The following FRMPD3 variants were observed in gnomAD, a reference collection of about 807,000 sequenced individuals.
FRMPD3 encodes the protein FERM and PDZ domain-containing protein 3.
A neutral mutation model predicts 97.9 loss-of-function variants in FRMPD3; 42 were observed. The observed-to-expected ratio is 0.43, with a 90% CI of 0.34 to 0.55. The LOEUF (loss-of-function observed/expected upper bound fraction) is 0.55, where lower values mean the gene tolerates loss of function less well. Ranked by LOEUF, FRMPD3 falls within the 20% of genes least tolerant of loss-of-function variation. The pLI is 0.03. For synonymous variants in FRMPD3, 577 were observed against 581.1 expected, an observed-to-expected ratio of 0.99 and a Z score of 0.10; for missense variants, 1,303 against 1,457.7, an observed-to-expected ratio of 0.89 and a Z score of 1.73.
chrX:107,602,651 G>A lies in FRMPD3; in HGVS notation c.4612G>A (p.Val1538Met). 8.3e-7 allele frequency: 1 copy of A among 1,210,605 alleles called. No homozygotes were observed. The highest frequency in any genetic ancestry group is 1.1e-6 in the Non-Finnish European group (1 of 895,473). ...MKLDEQVVPV[V>M]SRTLQVLDAA... ...GCTGGACGAGCAGGTGGTGCCTGTG[G>A]TGAGCAGGACCCTGCAGGTGCTGGA... The change falls in exon 15 of 15, where the codon GTG becomes ATG. Residue 1538 changes from valine to methionine, a missense_variant. Transcript: ENST00000683843.
chrX:107,595,490 C>G (rs1270105721), intron 13 of FRMPD3, among the ~76,000 whole-genome samples: 1 of 111,204 alleles, frequency 9.0e-6, no homozygotes, highest in Non-Finnish European at 1.9e-5. Context: ...TTATTCACAA[C>G]AGTGTTCCAT....
chrX:107,497,084 C>A (rs995572370), intron 1 of FRMPD3, among the ~76,000 whole-genome samples: 1 of 112,467 alleles, frequency 8.9e-6, no homozygotes, highest in African/African-American at 3.2e-5. Flanking sequence ...AGAGAGAGCA[C>A]ACAAGCTGTG....
At chrX:107,459,867 G>T (rs948098891) in intron 1 of FRMPD3, among the ~76,000 whole-genome samples, 1 of 98,177 alleles carries the variant, frequency 1.0e-5, no homozygotes, top group Non-Finnish European at 2.0e-5. Flanking sequence ...GTGTGCGTGC[G>T]TGCACGCAAG....
Position 107,600,985 on chromosome X carries a change from G to A in FRMPD3, c.2946G>A (p.Arg982=). The change falls in exon 15 of 15, where the codon AGG becomes AGA. Residue 982 remains arginine (R), a synonymous_variant. Transcript: ENST00000683843. Reference sequence around the variant, plus strand: ...GGGCTTTGGGGAACCCCCCCAGCAGGGGTGAGAGAAGGCTGGAGGCCAGCA... The same window carrying A: ...GGGCTTTGGGGAACCCCCCCAGCAGAGGTGAGAGAAGGCTGGAGGCCAGCA... The part of the protein sequence containing the change: ...AGGALGNPPS[R]GERRLEASMG... The A allele has an allele frequency of 8.3e-7, 1 of 1,208,252 alleles. No individual in the cohort carries two copies. The highest frequency in any genetic ancestry group is 1.1e-6 in the Non-Finnish European group (1 of 894,094).
intron 4 of FRMPD3, among the ~76,000 whole-genome samples, chrX:107,536,268 A>G (rs1923234724): frequency 9.0e-6 from 1 of 111,015 alleles, no homozygotes; most frequent in South Asian, 3.8e-4. Context: ...AGGCAGGAGG[A>G]TTGCTTGAGC....
intron 1 of FRMPD3, among the ~76,000 whole-genome samples, chrX:107,467,895 A>T (rs1931602387): frequency 9.0e-6 from 1 of 111,607 alleles, no homozygotes. Context: ...CCTTTCCTTC[A>T]ACATATATTG....
intron 1 of FRMPD3, among the ~76,000 whole-genome samples, chrX:107,453,522 C>G (rs765607795): frequency 3.6e-5 from 4 of 111,476 alleles, no homozygotes; most frequent in African/African-American, 1.3e-4. Context: ...GCTCTTCTCT[C>G]AAGGACTTCT....
chrX:107,476,041 G>T (rs1160227865), intron 1 of FRMPD3, among the ~76,000 whole-genome samples: 4 of 111,511 alleles, frequency 3.6e-5, no homozygotes, highest in Non-Finnish European at 7.5e-5. Context: ...CTGCCACCAG[G>T]CCTGGCTAAT....
chrX:107,544,921 A>T (rs1921510986), intron 4 of FRMPD3: 1 of 111,198 alleles, frequency 9.0e-6, no homozygotes, highest in South Asian at 3.8e-4. Context: ...ATCTCTACTA[A>T]AAATACAAAA....
intron 6 of FRMPD3, among the ~76,000 whole-genome samples, chrX:107,550,647 G>A (rs753523033): frequency 2.2e-4 from 25 of 111,259 alleles, no homozygotes; most frequent in African/African-American, 8.2e-4. Flanking sequence ...CAGCCTCTTT[G>A]GCTGTTCTTT....
At chrX:107,469,026 G>A (rs1931623229) in intron 1 of FRMPD3, among the ~76,000 whole-genome samples, 1 of 112,254 alleles carries the variant, frequency 8.9e-6, no homozygotes, top group Admixed American at 9.4e-5. Context: ...GGGGATTATT[G>A]TAGCTACAGG....
rs749398991 is a variant in FRMPD3 at position 107,568,566 on chromosome X, CAA to C, written c.1296+3517_1296+3518del. Among the ~76,000 whole-genome samples, 145 of 52,777 alleles carry C rather than the reference CAA, an allele frequency of 2.7e-3. 1 individual carries two copies. The highest frequency in any genetic ancestry group is 8.4e-3 in the African/African-American group (129 of 15,421). 45.8% of individuals were successfully genotyped at this position (52,777 alleles called of 115,157 possible). ...CTCCACTAAATCTCCACTAAAAATG[CAA>C]AAAAAAAAAAAAAAAATCAGCTGGG... On this transcript the variant is annotated intron_variant, in intron 12 of 14. Coordinates refer to ENST00000683843, the MANE Select transcript of FRMPD3 (RefSeq NM_001388459.1).
At chrX:107,456,062 A>G (rs1214699128) in intron 1 of FRMPD3, among the ~76,000 whole-genome samples, 1 of 109,948 alleles carries the variant, frequency 9.1e-6, no homozygotes, top group Non-Finnish European at 1.9e-5. Context: ...GATGACTATT[A>G]TTATTATTAT....
In FRMPD3 at chrX:107,541,055, A is replaced by G. The variant is rs757552585; in HGVS notation, c.298-4682A>G. Among the ~76,000 whole-genome samples the G allele has an allele frequency of 3.5e-5, 4 of 113,285 alleles. No homozygotes were observed. In the East Asian group the frequency reaches 1.1e-3, roughly 31 times the overall value. On this transcript the variant is annotated intron_variant, in intron 4 of 14. Transcript: ENST00000683843. ...CATAGGCAATACATAAATGAAGATC[A>G]CGGCTGTGTTCCAGTAAAGCTTTAT... is the stretch of plus-strand genomic sequence containing the variant.
chrX:107,508,921 CTCTA>C (rs1922098105), intron 1 of FRMPD3, among the ~76,000 whole-genome samples: 1 of 112,031 alleles, frequency 8.9e-6, no homozygotes, highest in African/African-American at 3.2e-5. Context: ...GATATTATGG[CTCTA>C]TCTGAGTACC....
intron 13 of FRMPD3, among the ~76,000 whole-genome samples, chrX:107,590,463 G>C (rs781182632): frequency 8.9e-6 from 1 of 112,652 alleles, no homozygotes; most frequent in Non-Finnish European, 1.9e-5. Context: ...TGTTAGCTGT[G>C]AGTTTTTTAT....
At chrX:107,531,330 C>T (rs760836799) in intron 3 of FRMPD3, among the ~76,000 whole-genome samples, 1 of 109,343 alleles carries the variant, frequency 9.1e-6, no homozygotes, top group Non-Finnish European at 1.9e-5. Context: ...CTCTCACTCT[C>T]CTTTTCTCTC....
intron 12 of FRMPD3, among the ~76,000 whole-genome samples, chrX:107,568,454 A>T (rs1186238545): frequency 4.3e-5 from 4 of 93,710 alleles, no homozygotes. Flanking sequence ...TCATGCCTGT[A>T]ATCCCAGCAT....
chrX:107,505,372 C>T lies in FRMPD3; in HGVS notation c.-7-21210C>T, dbSNP rs181409018. On this transcript the variant is annotated intron_variant, in intron 1 of 14. Coordinates refer to ENST00000683843, the MANE Select transcript of FRMPD3 (RefSeq NM_001388459.1). ...CAAATGTGTTTCCTAACTTCCAGCC[C>T]TGTAATTTTTCCACCTCCATGCAGA... Among the ~76,000 whole-genome samples the T allele has an allele frequency of 1.4e-4, 16 of 111,943 alleles. No homozygotes were observed. In the East Asian group the frequency reaches 4.0e-3, roughly 28 times the overall value.
Sources: allele counts gnomAD v4.1 joint callset (sites outside exome capture counted in the v4.1 genomes callset), GRCh38; gene constraint gnomAD v4.1.1; transcripts MANE v1.5; gene names NCBI Gene and HGNC (gene_info 2026-07-23, HGNC 2026-07-21).